Variants in CATSPERB observed in about 807,000 individuals in gnomAD.
CATSPERB encodes catsper channel auxiliary subunit beta.
In CATSPERB, 93 loss-of-function variants were observed where a neutral mutation model predicts 128.3. The observed-to-expected ratio is 0.72, with a 90% CI of 0.61 to 0.86. The LOEUF (loss-of-function observed/expected upper bound fraction) is 0.86, where lower values mean the gene tolerates loss of function less well. Among genes scored for constraint, CATSPERB ranks in the 40% least tolerant of loss-of-function variants. CATSPERB has a pLI of 0.00. For synonymous variants in CATSPERB, 381 were observed against 448.8 expected, an observed-to-expected ratio of 0.85 and a Z score of 1.91; for missense variants, 1,153 against 1,329.5, an observed-to-expected ratio of 0.87 and a Z score of 2.06.
rs763564918 is a variant in CATSPERB, at chr14:91,621,850, T to C, written c.2018A>G (p.Asp673Gly). ...AGCAATGGCTAATGCATTCTTATTA[T>C]CTAAAATGCTTGTGATGAGGAAGCT... ...YSSFLITSILDNKNALAIATM... is the reference protein window; with the variant it reads ...YSSFLITSILGNKNALAIATM... The change falls in exon 19 of 27, where the codon GAT (aspartate) becomes GGT (glycine). Residue 673 changes from aspartate (D) to glycine (G), a missense_variant. Asp to Gly is a moderately conservative substitution (Grantham distance 94). Transcript: ENST00000256343. The C allele has an allele frequency of 6.8e-6, 11 of 1,613,794 alleles. No individual in the cohort carries two copies. The Admixed American group carries it at 1.0e-4, about 15-fold the overall frequency.
intron 17 of CATSPERB, among the ~76,000 whole-genome samples, chr14:91,627,031 T>C (rs77767988): frequency 0.093 from 14,130 of 152,286 alleles, 714 homozygotes; most frequent in Middle Eastern, 0.19. Flanking sequence ...AACAAACATT[T>C]GATTAACATT....
intron 23 of CATSPERB, 123 bp from the exon 24 acceptor site, chr14:91,589,792 G>A (rs1385290613): frequency 4.8e-6 from 4 of 827,850 alleles, no homozygotes. Context: ...GTGCTCCTGA[G>A]GGGTTTCTGC....
At chr14:91,653,769 T>G (rs1230713759) in intron 15 of CATSPERB, among the ~76,000 whole-genome samples, 1 of 152,222 alleles carries the variant, frequency 6.6e-6, no homozygotes, top group Non-Finnish European at 1.5e-5. Context: ...AGTTGAGATT[T>G]GGGTTGGGAC....
chr14:91,661,524 C>CATATACATAT (rs148851623), intron 14 of CATSPERB, among the ~76,000 whole-genome samples: 3 of 127,062 alleles, frequency 2.4e-5, no homozygotes. Flanking sequence ...CAGATGCTAT[C>CATATACATAT]ATATATATAT....
In CATSPERB at chr14:91,639,097, T is replaced by G; in HGVS notation, c.1586A>C (p.Gln529Pro). ...TGTTTCAATGCATTATATACTGACCTGTCCAAAAAGATTTCTAGAATTTCC... is the reference window on the plus strand; with the variant it reads ...TGTTTCAATGCATTATATACTGACCGGTCCAAAAAGATTTCTAGAATTTCC... Reference protein sequence around the residue: ...AFGNSRNLFGQPPDMGFETAL... With the variant: ...AFGNSRNLFGPPPDMGFETAL... Residue 529 changes from glutamine (Q) to proline (P), a missense_variant and splice_region_variant, in exon 16 of 27, where the codon CAG becomes CCG. Gln to Pro is a moderately conservative substitution (Grantham distance 76, BLOSUM62 -1). Coordinates refer to ENST00000256343, the MANE Select transcript of CATSPERB (RefSeq NM_024764.4). 3 of 1,613,712 alleles carry G rather than the reference T, an allele frequency of 1.9e-6. No individual in the cohort carries two copies. The highest frequency in any genetic ancestry group is 2.5e-6 in the Non-Finnish European group (3 of 1,179,804).
intron 13 of CATSPERB, 110 bp from the exon 14 acceptor site, chr14:91,670,082 A>G: frequency 1.1e-6 from 1 of 941,248 alleles, no homozygotes; most frequent in Non-Finnish European, 1.7e-6. Flanking sequence ...CTAACACAAC[A>G]TAGAACTAGA....
intron 8 of CATSPERB, 47 bp downstream of exon 8, chr14:91,693,337 T>C (rs749500716): frequency 2.0e-5 from 31 of 1,555,236 alleles, no homozygotes; most frequent in Middle Eastern, 1.7e-4. Flanking sequence ...AATCAAATAT[T>C]GATGTAAGTA....
intron 5 of CATSPERB, chr14:91,715,134 A>G (rs1471020868): frequency 2.0e-5 from 3 of 151,930 alleles, no homozygotes; most frequent in African/African-American, 7.3e-5. Flanking sequence ...TAATTTTGGT[A>G]TACTTTTTTT....
chr14:91,604,790 A>G, intron 22 of CATSPERB: 3 of 1,611,176 alleles, frequency 1.9e-6, no homozygotes, highest in Non-Finnish European at 2.5e-6. Flanking sequence ...GGAAGAGTAG[A>G]GGCTGGGGTA....
chr14:91,674,063 G>A (rs1895148923), intron 12 of CATSPERB, 113 bp downstream of exon 12: 8 of 638,254 alleles, frequency 1.3e-5, no homozygotes, highest in Non-Finnish European at 1.9e-5. Flanking sequence ...AGCAAAGAGT[G>A]ATTGTGAAGC....
chr14:91,694,992 C>T (rs1193326865), intron 7 of CATSPERB, among the ~76,000 whole-genome samples: 1 of 152,116 alleles, frequency 6.6e-6, no homozygotes, highest in African/African-American at 2.4e-5. Flanking sequence ...AGTTTTAACT[C>T]TCAGCTCTTT....
At chr14:91,595,035 C>T (rs923602621) in intron 22 of CATSPERB, among the ~76,000 whole-genome samples, 1 of 150,796 alleles carries the variant, frequency 6.6e-6, no homozygotes, top group Non-Finnish European at 1.5e-5. Flanking sequence ...TCAGTCCAAA[C>T]TATAGAAAAA....
At position 91,596,249 on chromosome 14, in the gene CATSPERB, G is replaced by A. The variant is rs537310848; in HGVS notation, c.2710-4247C>T. ...GACAGAGTCTTACTCTGTCACCCAG[G>A]CTGGAGTGCAGTGGCACAATCTCGG... is the stretch of plus-strand genomic sequence containing the variant. On this transcript the variant is annotated intron_variant, in intron 22 of 26. Coordinates refer to ENST00000256343, the MANE Select transcript of CATSPERB (RefSeq NM_024764.4). 9.9e-5 allele frequency among the ~76,000 whole-genome samples: 15 copies of A among 152,048 alleles called. No individual in the cohort carries two copies. In the East Asian group the frequency reaches 1.5e-3, roughly 16 times the overall value.
chr14:91,692,999 T>C, intron 9 of CATSPERB, 127 bp downstream of exon 9: 1 of 697,620 alleles, frequency 1.4e-6, no homozygotes, highest in South Asian at 2.0e-5. Flanking sequence ...TATGCCTTTA[T>C]GTTTTTCGAA....
chr14:91,636,689 AC>A (rs140647574), intron 16 of CATSPERB, 110 bp from the exon 17 acceptor site: 37,455 of 913,028 alleles, frequency 0.041, 930 homozygotes, highest in Non-Finnish European at 0.052. Flanking sequence ...ATACTGGTTT[AC>A]TTATCAATTG....
In CATSPERB at chr14:91,636,483, C is replaced by T; in HGVS notation, c.1684G>A (p.Glu562Lys). The T allele has an allele frequency of 6.2e-7, 1 of 1,614,046 alleles. No homozygotes were observed. The highest frequency in any genetic ancestry group is 8.5e-7 in the Non-Finnish European group (1 of 1,180,002). Residue 562 changes from glutamate (E) to lysine (K), a missense_variant, in exon 17 of 27, where the codon GAA (glutamate) becomes AAA (lysine). By Grantham distance (56) the Glu-to-Lys change is moderately conservative. Coordinates refer to ENST00000256343, the MANE Select transcript of CATSPERB (RefSeq NM_024764.4). ...CCGAACTTCTTGCTGTAGATCGTTT[C>T]CTGGGGTTCGTTCTCAGGTACATAT... ...FAYVPENEPQ[E>K]TIYSKKFGNI... is the part of the protein sequence containing the mutation.
Position 91,673,012 on chromosome 14 carries a change from C to T in CATSPERB, c.983G>A (p.Ser328Asn). 6.4e-7 allele frequency: 1 copy of T among 1,569,510 alleles called. No individual in the cohort carries two copies. The highest frequency in any genetic ancestry group is 1.4e-5 in the African/African-American group (1 of 71,654). ...FERNRTLSESSSCFYSQEPFL... is the reference protein window; with the variant it reads ...FERNRTLSESNSCFYSQEPFL... Reference sequence around the variant, plus strand: ...TGGTTCCTGACTATAAAAACAAGAGCTTGACTATAAAAAAAAGAAGGGAAA... The same window carrying T: ...TGGTTCCTGACTATAAAAACAAGAGTTTGACTATAAAAAAAAGAAGGGAAA... The change falls in exon 13 of 27, where the codon AGC (serine) becomes AAC (asparagine). Residue 328 changes from serine (S) to asparagine (N), a missense_variant. Transcript: ENST00000256343.
intron 26 of CATSPERB, among the ~76,000 whole-genome samples, chr14:91,582,341 C>T (rs748308710): frequency 2.6e-5 from 4 of 152,212 alleles, no homozygotes; most frequent in African/African-American, 4.8e-5. Context: ...CCTAACCTAC[C>T]TGGCTTTCTT....
rs749816654 is a variant in CATSPERB at position 91,723,053 on chromosome 14, G to A, written c.305C>T (p.Thr102Met). 60 of 1,495,382 alleles carry A rather than the reference G, an allele frequency of 4.0e-5. No individual in the cohort carries two copies. Among genetic ancestry groups the A allele is most frequent in the South Asian group, 1.8e-4 (12 of 68,056 alleles). The allele number at this position is 1,495,382 out of a possible 1,614,324, so 92.6% of individuals were successfully genotyped here. A position where few individuals can be genotyped will look rare whatever the true frequency, so the allele number is the denominator to read the frequency against. ...AGTAAGATAAAATGTAATTACCAAC[G>A]TTAAATTAAAGTGGAAGATGCCATT... is the stretch of plus-strand genomic sequence containing the variant. The part of the protein sequence containing the change: ...TYNGIFHFNL[T>M]LFSDRILWLV... The change falls in exon 4 of 27, where the codon ACG becomes ATG. Residue 102 changes from threonine to methionine, a missense_variant. By Grantham distance (81) the Thr-to-Met change is moderately conservative. Coordinates refer to ENST00000256343, the MANE Select transcript of CATSPERB (RefSeq NM_024764.4).
Sources: allele counts gnomAD v4.1 joint callset (sites outside exome capture counted in the v4.1 genomes callset), GRCh38; gene constraint gnomAD v4.1.1; transcripts MANE v1.5; gene names NCBI Gene and HGNC (gene_info 2026-07-23, HGNC 2026-07-21).